ZNF335: variants seen among roughly 807,000 people sequenced by gnomAD.
The protein encoded by ZNF335 is NRC-interacting factor 1.
ZNF335 carries 84 observed loss-of-function variants against 145.6 expected under a neutral mutation model. That is an observed-to-expected ratio of 0.58 (90% CI 0.48 to 0.69). The LOEUF (loss-of-function observed/expected upper bound fraction) is 0.69. Among genes scored for constraint, ZNF335 ranks in the 30% least tolerant of loss-of-function variants. The pLI is 0.00. For missense variants in ZNF335, 1,865 were observed against 1,809.7 expected (o/e 1.03, Z -0.55); for synonymous variants, 761 against 717.0 (o/e 1.06, Z -0.98).
chr20:45,950,430 C>T (rs375565129), intron 21 of ZNF335, 23 bp downstream of exon 21: 60 of 1,613,930 alleles, frequency 3.7e-5, no homozygotes, highest in Non-Finnish European at 5.1e-5. Context: ...CAGCAGTCCC[C>T]ACCCACCAGT....
At chr20:45,949,116 C>G (rs370898750) in intron 27 of ZNF335, 36 bp from the exon 28 acceptor site, 2 of 1,613,352 alleles carry the variant, frequency 1.2e-6, no homozygotes, top group African/African-American at 1.3e-5. Context: ...GAGCTGGAGG[C>G]TCAAGAGCTG....
chr20:45,966,532 ACT>A (rs1488670254), intron 6 of ZNF335, among the ~76,000 whole-genome samples: 1 of 146,650 alleles, frequency 6.8e-6, no homozygotes, highest in Non-Finnish European at 1.5e-5. Context: ...ACTCAGCAAG[ACT>A]CTGTTTCTTT....
Position 45,969,688 on chromosome 20 carries a change from C to T in ZNF335, c.205G>A (p.Glu69Lys), listed in dbSNP as rs749979313. 3 of 1,610,912 alleles carry T rather than the reference C, an allele frequency of 1.9e-6. No individual in the cohort carries two copies. The highest frequency in any genetic ancestry group is 2.7e-5 in the African/African-American group (2 of 74,942). The change falls in exon 3 of 28, where the codon GAG becomes AAG. Residue 69 changes from glutamate (E) to lysine (K), a missense_variant. Transcript: ENST00000322927. The stretch of plus-strand genomic sequence containing the variant: ...GCGCTCGAGCTGCTCTCAGATACCT[C>T]CTCCTGAGGGGCATGAAACAGGGAG... ...SSDRGSRSQE[E>K]VSESSSSADP...
At chr20:45,951,496 G>A (rs906823260) in intron 20 of ZNF335, among the ~76,000 whole-genome samples, 2 of 152,234 alleles carry the variant, frequency 1.3e-5, no homozygotes, top group Non-Finnish European at 1.5e-5. Context: ...GGAGATAACT[G>A]TTTCACGGCA....
chr20:45,972,051 G>A (rs1271663904), intron 1 of ZNF335, 71 bp downstream of exon 1: 7 of 1,262,048 alleles, frequency 5.5e-6, no homozygotes, highest in African/African-American at 1.5e-5. Context: ...CTCGCCTCCG[G>A]GTATCCCCGC....
intron 18 of ZNF335, among the ~76,000 whole-genome samples, 190 bp from the exon 19 acceptor site, chr20:45,952,899 T>C (rs1206629844): frequency 6.6e-6 from 1 of 152,114 alleles, no homozygotes; most frequent in African/African-American, 2.4e-5. Context: ...TGATTACAAC[T>C]CAAGCATGGG....
At chr20:45,956,689 A>G (rs1239521551) in intron 17 of ZNF335, among the ~76,000 whole-genome samples, 2 of 152,024 alleles carry the variant, frequency 1.3e-5, no homozygotes, top group Non-Finnish European at 2.9e-5. Flanking sequence ...ACTTCAAACC[A>G]CAGGTGAAGA....
At chr20:45,970,962 T>A (rs1273863338) in intron 2 of ZNF335, among the ~76,000 whole-genome samples, 1 of 152,148 alleles carries the variant, frequency 6.6e-6, no homozygotes, top group Admixed American at 6.5e-5. Flanking sequence ...TAGATTTGAA[T>A]CCTGGCTCTG....
intron 10 of ZNF335, chr20:45,961,576 C>T (rs2083844944): frequency 1.3e-5 from 2 of 152,398 alleles, no homozygotes; most frequent in African/African-American, 4.9e-5. Context: ...GCTACTGTCC[C>T]AGGGGATCTG....
intron 2 of ZNF335, among the ~76,000 whole-genome samples, chr20:45,970,684 G>A (rs2084042472): frequency 6.6e-6 from 1 of 152,052 alleles, no homozygotes; most frequent in South Asian, 2.1e-4. Flanking sequence ...TACTTTAGCC[G>A]GGATACTGAG....
chr20:45,957,913 T>C lies in ZNF335; in HGVS notation c.2269A>G (p.Thr757Ala). The change falls in exon 16 of 28, where the codon ACA becomes GCA. Residue 757 changes from threonine to alanine, a missense_variant. By Grantham distance (58) the Thr-to-Ala change is moderately conservative. Transcript: ENST00000322927. The part of the protein sequence containing the change: ...PGPPEIPPEA[T>A]TFQSSEAPSL... The stretch of plus-strand genomic sequence containing the variant: ...GGAGCCTCAGATGACTGGAAAGTTG[T>C]CGCCTCTGGGGGTATCTATGGGGTG... 6.2e-7 allele frequency: 1 copy of C among 1,614,062 alleles called. No individual in the cohort carries two copies. Among genetic ancestry groups the C allele is most frequent in the Non-Finnish European group, 8.5e-7 (1 of 1,180,008 alleles).
chr20:45,951,603 A>T (rs1209896076), intron 20 of ZNF335, among the ~76,000 whole-genome samples: 1 of 152,224 alleles, frequency 6.6e-6, no homozygotes, highest in Admixed American at 6.5e-5. Flanking sequence ...GATTACTCGT[A>T]TGCACAGTTC....
intron 10 of ZNF335, chr20:45,961,717 C>G (rs1461531401): frequency 4.8e-6 from 1 of 206,652 alleles, no homozygotes; most frequent in East Asian, 1.1e-4. Context: ...GGTGCACTCT[C>G]AGCCCTGTGA....
At chr20:45,951,694 CGCTCACCTGCT>C (rs1600520719) in intron 20 of ZNF335, among the ~76,000 whole-genome samples, 1 of 152,184 alleles carries the variant, frequency 6.6e-6, no homozygotes, top group South Asian at 2.1e-4. Flanking sequence ...GCCCACCTGC[CGCTCACCTGCT>C]GTGTGGCCTG....
intron 9 of ZNF335, among the ~76,000 whole-genome samples, chr20:45,962,601 C>T (rs1041952503): frequency 2.6e-5 from 4 of 152,136 alleles, no homozygotes; most frequent in African/African-American, 7.2e-5. Context: ...CCACCGTGCC[C>T]GGAAGTACCC....
rs558360008 is a variant in ZNF335, at chr20:45,952,787, A to G, written c.2703-78T>C. 2.7e-5 allele frequency: 36 copies of G among 1,330,938 alleles called. No individual in the cohort carries two copies. The Middle Eastern group carries it at 5.9e-4, about 22-fold the overall frequency. The allele number at this position is 1,330,938 out of a possible 1,614,324, so 82.4% of individuals were successfully genotyped here. Reference sequence around the variant, plus strand: ...TTCCCCAAGCAACAGGCATCAACTGAGGAGTGACTGTCACCACAGATGGAC... The same window carrying G: ...TTCCCCAAGCAACAGGCATCAACTGGGGAGTGACTGTCACCACAGATGGAC... On this transcript the variant is annotated intron_variant, in intron 18 of 27. Transcript: ENST00000322927.
rs1482594803 is a variant in ZNF335, at chr20:45,965,716, C to T, written c.1014G>A (p.Gln338=). The stretch of plus-strand genomic sequence containing the variant: ...GCCTTGGGGTACTGGGGGTGGGGCG[C>T]TGGAGCCGAAGCTGCCGGCCTCGGG... The part of the protein sequence containing the change: ...DEPRGRQLRL[Q]RPTPSTPRPR... The change falls in exon 7 of 28, where the codon CAG becomes CAA. Residue 338 remains glutamine, a synonymous_variant. Coordinates refer to ENST00000322927, the MANE Select transcript of ZNF335 (RefSeq NM_022095.4). The T allele has an allele frequency of 1.9e-6, 3 of 1,605,970 alleles. No homozygotes were observed. In the Admixed American group the frequency reaches 5.0e-5, roughly 27 times the overall value.
chr20:45,950,174 T>C (rs1200449200), intron 22 of ZNF335, 45 bp downstream of exon 22: 10 of 1,576,690 alleles, frequency 6.3e-6, no homozygotes, highest in Non-Finnish European at 5.2e-6. Flanking sequence ...CCCAAGTCTC[T>C]GGATCTACCC....
chr20:45,949,410 A>T lies in ZNF335; in HGVS notation c.3754-12T>A. On this transcript the variant is annotated splice_polypyrimidine_tract_variant and intron_variant, in intron 25 of 27. Coordinates refer to ENST00000322927, the MANE Select transcript of ZNF335 (RefSeq NM_022095.4). ...TGGCCCTCCTGTACCTGCAGAGAGG[A>T]AGCCAAGCTGTGATCCTAGGGAGAG... The T allele has an allele frequency of 6.2e-7, 1 of 1,614,080 alleles. No homozygotes were observed. The highest frequency in any genetic ancestry group is 8.5e-7 in the Non-Finnish European group (1 of 1,179,998).
Sources: gnomAD v4.1 joint callset for allele counts (sites outside exome capture counted in the v4.1 genomes callset) on GRCh38, gnomAD v4.1.1 for gene constraint, MANE v1.5 for transcripts, NCBI Gene and HGNC (gene_info 2026-07-23, HGNC 2026-07-21) for gene names.